The following PPARGC1A variants were observed in gnomAD, a reference collection of about 807,000 sequenced individuals.
PPARGC1A encodes peroxisome proliferator-activated receptor gamma coactivator 1-alpha.
A neutral mutation model predicts 88.7 loss-of-function variants in PPARGC1A; 25 were observed. The observed-to-expected ratio is 0.28, with a 90% CI of 0.21 to 0.39. The LOEUF (loss-of-function observed/expected upper bound fraction) is 0.39. PPARGC1A is among the 10% of genes least tolerant of loss of function. The pLI is 1.00. For synonymous variants in PPARGC1A, 363 were observed against 355.6 expected (o/e 1.02, Z -0.24); for missense variants, 880 against 968.7 (o/e 0.91, Z 1.22).
At chr4:23,894,604 AC>A (rs1718300766), upstream of PPARGC1A, among the ~76,000 whole-genome samples, 1 of 152,132 alleles carries the variant, frequency 6.6e-6, no homozygotes, top group Non-Finnish European at 1.5e-5. Flanking sequence ...CTTAGCAAAA[AC>A]ATCTCTCATC....
the PPARGC1A span, among the ~76,000 whole-genome samples, chr4:23,965,640 AG>A: frequency 6.6e-6 from 1 of 152,212 alleles, no homozygotes; most frequent in South Asian, 2.1e-4. Context: ...GCTACTAAGC[AG>A]CAGCTCCTCA....
the PPARGC1A span, among the ~76,000 whole-genome samples, chr4:23,966,285 A>G: frequency 6.6e-6 from 1 of 152,214 alleles, no homozygotes; most frequent in African/African-American, 2.4e-5. Context: ...AGCTTTCTGC[A>G]ATCATGGAAA....
intron 1 of PPARGC1A, among the ~76,000 whole-genome samples, chr4:23,897,610 T>C (rs1718754713): frequency 1.3e-5 from 2 of 151,900 alleles, no homozygotes; most frequent in Admixed American, 1.3e-4. Flanking sequence ...ACAAAGATAC[T>C]GGAAATCAGA....
chr4:24,288,884 C>T, the PPARGC1A span, among the ~76,000 whole-genome samples: 1 of 152,114 alleles, frequency 6.6e-6, no homozygotes, highest in East Asian at 1.9e-4. Flanking sequence ...ATGCTTTTTG[C>T]TGACCAAGAC....
the PPARGC1A span, among the ~76,000 whole-genome samples, chr4:24,160,726 C>A: frequency 6.6e-6 from 1 of 152,190 alleles, no homozygotes; most frequent in Non-Finnish European, 1.5e-5. Flanking sequence ...TTCAGGGACC[C>A]TTGTTCTTCA....
the PPARGC1A span, among the ~76,000 whole-genome samples, chr4:24,002,091 C>CAGAGAG: frequency 1.0e-4 from 14 of 137,708 alleles, 1 homozygote; most frequent in African/African-American, 3.9e-4. Context: ...CACACACACA[C>CAGAGAG]ACACACAGAG....
the PPARGC1A span, among the ~76,000 whole-genome samples, chr4:24,276,637 G>A: frequency 6.6e-6 from 1 of 152,078 alleles, no homozygotes; most frequent in South Asian, 2.1e-4. Flanking sequence ...TCAATACCCT[G>A]GAATCCCATA....
chr4:24,195,170 A>G, the PPARGC1A span, among the ~76,000 whole-genome samples: 2 of 152,224 alleles, frequency 1.3e-5, no homozygotes, highest in Non-Finnish European at 2.9e-5. Flanking sequence ...CACCTGCTTT[A>G]GGTAAATCAA....
the PPARGC1A span, among the ~76,000 whole-genome samples, chr4:23,994,612 T>A: frequency 6.6e-6 from 1 of 152,126 alleles, no homozygotes; most frequent in African/African-American, 2.4e-5. Flanking sequence ...AAAGCCCACA[T>A]TCCTTGCAAT....
At chr4:24,454,193 T>A in the PPARGC1A span, among the ~76,000 whole-genome samples, 1 of 151,210 alleles carries the variant, frequency 6.6e-6, no homozygotes, top group South Asian at 2.1e-4. Context: ...ACTGAAGACA[T>A]AAGTGAACCC....
At chr4:24,372,209 C>T in the PPARGC1A span, among the ~76,000 whole-genome samples, 5 of 152,194 alleles carry the variant, frequency 3.3e-5, no homozygotes, top group African/African-American at 9.7e-5. Flanking sequence ...ACCTTGAGCA[C>T]GTCATTTAAC....
chr4:23,898,791 T>C (rs1718912847), intron 1 of PPARGC1A, among the ~76,000 whole-genome samples: 1 of 151,816 alleles, frequency 6.6e-6, no homozygotes, highest in African/African-American at 2.4e-5. Flanking sequence ...TCTCTACCTC[T>C]TTTCAAAACA....
rs1006748783 is a variant in PPARGC1A, at chr4:23,889,074, C to T, written c.54+830G>A. The T allele has an allele frequency of 9.1e-6, 9 of 985,298 alleles. No homozygotes were observed. In the African/African-American group the frequency reaches 1.2e-4, roughly 13 times the overall value. The allele number at this position is 985,298 out of a possible 1,614,324, so 61.0% of individuals were successfully genotyped here. A position where few individuals can be genotyped will look rare whatever the true frequency, so the allele number is the denominator to read the frequency against. On this transcript the variant is annotated intron_variant, in intron 1 of 12. Transcript: ENST00000264867. ...GACTCCAGAGATTACGAGGAAACTG[C>T]TTGCGTTATTTTCCCCCCTGTATGA...
At chr4:23,961,339 G>C in the PPARGC1A span, among the ~76,000 whole-genome samples, 1 of 152,154 alleles carries the variant, frequency 6.6e-6, no homozygotes, top group Non-Finnish European at 1.5e-5. Context: ...GGATTTCAGG[G>C]ATGCAGCTAA....
At chr4:23,869,545 G>A (rs1297854520) in intron 2 of PPARGC1A, among the ~76,000 whole-genome samples, 1 of 152,070 alleles carries the variant, frequency 6.6e-6, no homozygotes, top group Non-Finnish European at 1.5e-5. Context: ...TTAGATTTAG[G>A]AAGCCCAGTC....
At chr4:24,444,413 G>C in the PPARGC1A span, among the ~76,000 whole-genome samples, 1 of 151,788 alleles carries the variant, frequency 6.6e-6, no homozygotes, top group African/African-American at 2.4e-5. Context: ...GTTCAATTAG[G>C]AGTCTACTGC....
At chr4:23,865,386 T>G (rs534854866) in intron 2 of PPARGC1A, among the ~76,000 whole-genome samples, 1 of 152,250 alleles carries the variant, frequency 6.6e-6, no homozygotes, top group African/African-American at 2.4e-5. Context: ...AAGTCCTAAG[T>G]TCCTCATCTG....
the PPARGC1A span, among the ~76,000 whole-genome samples, chr4:24,174,581 C>T: frequency 6.6e-6 from 1 of 152,226 alleles, no homozygotes; most frequent in Non-Finnish European, 1.5e-5. Flanking sequence ...CCTCTTAATC[C>T]TTCCAATCCC....
At chr4:24,470,538 AGGCCCCCAGCTCCAGCGCC>A in the PPARGC1A span, among the ~76,000 whole-genome samples, 1 of 151,952 alleles carries the variant, frequency 6.6e-6, no homozygotes, top group Non-Finnish European at 1.5e-5. This position sits in a 1 kb window ranked among gnomAD's most constrained non-coding sequence, Gnocchi z 5.8. Context: ...GTGCTTCTCC[AGGCCCCCAGCTCCAGCGCC>A]GGCCCGACCA....
Sources: allele counts gnomAD v4.1 joint callset (sites outside exome capture counted in the v4.1 genomes callset), GRCh38; gene constraint gnomAD v4.1.1; non-coding constraint Gnocchi (gnomAD v3.1); transcripts MANE v1.5; gene names NCBI Gene and HGNC (gene_info 2026-07-23, HGNC 2026-07-21).